The following MTREX variants were observed in gnomAD, a reference collection of about 807,000 sequenced individuals.
MTREX encodes Mtr4 exosome RNA helicase.
A neutral mutation model predicts 135.4 loss-of-function variants in MTREX; 76 were observed. The observed-to-expected ratio is 0.56, with a 90% CI of 0.47 to 0.68. The LOEUF (loss-of-function observed/expected upper bound fraction) is 0.68. Ranked by LOEUF, MTREX falls within the 30% of genes least tolerant of loss-of-function variation. MTREX has a pLI of 0.00. For synonymous variants in MTREX, 404 were observed against 401.6 expected, an observed-to-expected ratio of 1.01 and a Z score of -0.07; for missense variants, 920 against 1,262.1, an observed-to-expected ratio of 0.73 and a Z score of 4.11.
At position 55,381,319 on chromosome 5, in the gene MTREX, G is replaced by A. The variant is rs571094426; in HGVS notation, c.2052+2124G>A. Among the ~76,000 whole-genome samples, 4 of 151,718 alleles carry A rather than the reference G, an allele frequency of 2.6e-5. No homozygotes were observed. The South Asian group carries it at 6.2e-4, about 24-fold the overall frequency. ...TTCAGTTTACTGTTCTTTTTTCAAC[G>A]TGTTAAGGTAGAAGATTAGGTTATT... On this transcript the variant is annotated intron_variant, in intron 18 of 26. Transcript: ENST00000230640.
intron 25 of MTREX, among the ~76,000 whole-genome samples, chr5:55,420,750 GGGGT>G (rs1751042160): frequency 6.6e-6 from 1 of 152,090 alleles, no homozygotes; most frequent in Admixed American, 6.5e-5. Flanking sequence ...AGGTTTTTTG[GGGGT>G]GGTAAAAATG....
At chr5:55,315,784 G>A (rs1453563843) in intron 1 of MTREX, among the ~76,000 whole-genome samples, 1 of 151,558 alleles carries the variant, frequency 6.6e-6, no homozygotes, top group African/African-American at 2.4e-5. Context: ...GGAGCTGGGG[G>A]CAGTGGCTCA....
chr5:55,394,804 G>A (rs570086412), intron 19 of MTREX, among the ~76,000 whole-genome samples: 37 of 152,146 alleles, frequency 2.4e-4, no homozygotes, highest in Middle Eastern at 3.4e-3. Flanking sequence ...AGGCAAAGGC[G>A]GGCAGATCAC....
At position 55,327,878 on chromosome 5, in the gene MTREX, A is replaced by G. The variant is rs561160222; in HGVS notation, c.402+100A>G. 31 of 851,218 alleles carry G rather than the reference A, an allele frequency of 3.6e-5. No homozygotes were observed. The African/African-American group carries it at 4.8e-4, about 13-fold the overall frequency. 52.7% of individuals were successfully genotyped at this position (851,218 alleles called of 1,614,324 possible). A position where few individuals can be genotyped will look rare whatever the true frequency, so the allele number is the denominator to read the frequency against. ...GATTTTTATATTTCCCACAACATGT[A>G]TATGTATGTATCAAGAACAAGCCAA... is the stretch of plus-strand genomic sequence containing the variant. On this transcript the variant is annotated intron_variant, in intron 4 of 26. Coordinates refer to ENST00000230640, the MANE Select transcript of MTREX (RefSeq NM_015360.5).
intron 26 of MTREX, chr5:55,423,606 T>A (rs1751090515): frequency 6.6e-6 from 1 of 152,430 alleles, no homozygotes; most frequent in Admixed American, 6.5e-5. Flanking sequence ...CTGCCCCAAC[T>A]TGGACTTTAC....
At position 55,353,207 on chromosome 5, in the gene MTREX, A is replaced by G; in HGVS notation, c.1471A>G (p.Met491Val). 1 of 1,610,026 alleles carries G rather than the reference A, an allele frequency of 6.2e-7. No individual in the cohort carries two copies. The change falls in exon 14 of 27, where the codon ATG becomes GTG. Residue 491 changes from methionine (M) to valine (V), a missense_variant. Coordinates refer to ENST00000230640, the MANE Select transcript of MTREX (RefSeq NM_015360.5). ...ATETFAMGINMPARTVLFTNA... is the reference protein window; with the variant it reads ...ATETFAMGINVPARTVLFTNA... ...GGAGACCTTTGCTATGGGAATTAACATGCCAGCTAGAACTGTTTTATTTAC... is the reference window on the plus strand; with the variant it reads ...GGAGACCTTTGCTATGGGAATTAACGTGCCAGCTAGAACTGTTTTATTTAC...
intron 1 of MTREX, among the ~76,000 whole-genome samples, chr5:55,313,258 G>A (rs201532234): frequency 1.4e-5 from 2 of 142,852 alleles, no homozygotes; most frequent in East Asian, 4.2e-4. Context: ...GCAACGTGGT[G>A]AAACCCTGTC....
intron 26 of MTREX, chr5:55,423,263 G>A: frequency 2.8e-6 from 1 of 352,504 alleles, no homozygotes; most frequent in South Asian, 6.8e-5. Context: ...CTGCCTTCAT[G>A]GAGTTTACAT....
chr5:55,310,217 T>C (rs1749088576), intron 1 of MTREX, among the ~76,000 whole-genome samples: 1 of 152,200 alleles, frequency 6.6e-6, no homozygotes, highest in African/African-American at 2.4e-5. Context: ...AGGAAATGAA[T>C]ATTAGAGAAA....
At chr5:55,341,620 C>A in intron 6 of MTREX, 61 bp from the exon 7 acceptor site, 1 of 821,356 alleles carries the variant, frequency 1.2e-6, no homozygotes, top group Non-Finnish European at 1.9e-6. Flanking sequence ...AACAACTTTT[C>A]TCTAACTATT....
At chr5:55,365,120 G>A (rs537300617) in intron 15 of MTREX, among the ~76,000 whole-genome samples, 37 of 152,082 alleles carry the variant, frequency 2.4e-4, no homozygotes, top group African/African-American at 6.0e-4. Context: ...ATATAGAAGC[G>A]GAGCATGGGG....
intron 16 of MTREX, among the ~76,000 whole-genome samples, chr5:55,377,283 C>T (rs966122608): frequency 1.3e-5 from 2 of 152,000 alleles, no homozygotes; most frequent in South Asian, 2.1e-4. Context: ...GCCGAGATCA[C>T]GCCACTGCAC....
At chr5:55,382,999 T>C (rs557762434) in intron 18 of MTREX, among the ~76,000 whole-genome samples, 11 of 152,356 alleles carry the variant, frequency 7.2e-5, no homozygotes, top group Admixed American at 5.9e-4. Context: ...GCTTTTGTTA[T>C]ATTAACCTTC....
At chr5:55,315,815 A>C (rs13154553) in intron 1 of MTREX, among the ~76,000 whole-genome samples, 8,925 of 150,204 alleles carry the variant, frequency 0.059, 471 homozygotes, top group African/African-American at 0.12. Flanking sequence ...CCCAGCTAGT[A>C]GGGAGGCTGG....
intron 21 of MTREX, among the ~76,000 whole-genome samples, chr5:55,402,848 A>ATGTGTG (rs1206609714): frequency 1.1e-4 from 5 of 44,908 alleles, no homozygotes; most frequent in African/African-American, 2.1e-4. Context: ...GTGTATGTGT[A>ATGTGTG]TGTATGTGTG....
At chr5:55,395,676 A>C (rs775201867) in intron 19 of MTREX, among the ~76,000 whole-genome samples, 9 of 152,196 alleles carry the variant, frequency 5.9e-5, no homozygotes, top group Non-Finnish European at 1.0e-4. Context: ...ATTATCTCTA[A>C]TAATGTTGAC....
intron 5 of MTREX, among the ~76,000 whole-genome samples, chr5:55,334,417 A>G (rs1749521908): frequency 2.0e-5 from 3 of 152,036 alleles, no homozygotes; most frequent in Admixed American, 1.3e-4. Context: ...TATTTTCCCT[A>G]GTGATAAAGG....
intron 5 of MTREX, among the ~76,000 whole-genome samples, chr5:55,332,077 T>C (rs751884646): frequency 2.0e-4 from 31 of 152,204 alleles, no homozygotes; most frequent in Non-Finnish European, 2.4e-4. Flanking sequence ...GTAGTCTTGC[T>C]ACTCAAAGTA....
chr5:55,353,592 A>T (rs1749862871), intron 14 of MTREX, among the ~76,000 whole-genome samples: 1 of 152,166 alleles, frequency 6.6e-6, no homozygotes, highest in Non-Finnish European at 1.5e-5. Flanking sequence ...AGTCGCAGCT[A>T]CTTGAGAGGC....
Sources: gnomAD v4.1 joint callset for allele counts (sites outside exome capture counted in the v4.1 genomes callset) on GRCh38, gnomAD v4.1.1 for gene constraint, MANE v1.5 for transcripts, NCBI Gene and HGNC (gene_info 2026-07-23, HGNC 2026-07-21) for gene names.